The following TACC2 variants were observed in gnomAD, a reference collection of about 807,000 sequenced individuals.
TACC2 encodes transforming acidic coiled-coil-containing protein 2.
A neutral mutation model predicts 227.3 loss-of-function variants in TACC2; 137 were observed. That is an observed-to-expected ratio of 0.60 (90% confidence interval 0.52 to 0.69). The LOEUF (loss-of-function observed/expected upper bound fraction) is 0.69, where lower values mean the gene tolerates loss of function less well. Ranked by LOEUF, TACC2 falls within the 30% of genes least tolerant of loss-of-function variation. The pLI is 0.00. For synonymous variants in TACC2, 1,523 were observed against 1,487.5 expected (o/e 1.02, Z -0.55); for missense variants, 3,470 against 3,694.4 (o/e 0.94, Z 1.57).
chr10:122,072,201 T>G (rs1448294902), intron 3 of TACC2, among the ~76,000 whole-genome samples: 1 of 152,052 alleles, frequency 6.6e-6, no homozygotes, highest in Non-Finnish European at 1.5e-5. Context: ...GTGATCCGCT[T>G]GCCTTGGTCT....
Position 122,210,166 on chromosome 10 carries a change from A to T in TACC2, c.5972-231A>T. On this transcript the variant is annotated intron_variant, in intron 8 of 22. Coordinates refer to ENST00000369005, the MANE Select transcript of TACC2 (RefSeq NM_206862.4). This position sits in a 1 kb window ranked among gnomAD's most constrained non-coding sequence, Gnocchi z 4.6. ...CTGAGCTGTTCTTTAATCGGTCCTCATGATCCTCATTGTACAGATGAGGGA... is the reference window on the plus strand; with the variant it reads ...CTGAGCTGTTCTTTAATCGGTCCTCTTGATCCTCATTGTACAGATGAGGGA... The T allele has an allele frequency of 1.7e-6, 1 of 590,758 alleles. No homozygotes were observed. Among genetic ancestry groups the T allele is most frequent in the Non-Finnish European group, 3.1e-6 (1 of 324,306 alleles). 36.6% of individuals were successfully genotyped at this position (590,758 alleles called of 1,614,324 possible).
chr10:122,254,395 T>C lies in TACC2; in HGVS notation c.*339T>C, dbSNP rs1321148976. The C allele has an allele frequency of 2.2e-5, 8 of 365,078 alleles. No individual in the cohort carries two copies. Among genetic ancestry groups the C allele is most frequent in the African/African-American group, 1.3e-4 (6 of 47,556 alleles). The allele number at this position is 365,078 out of a possible 1,614,324, so 22.6% of individuals were successfully genotyped here. ...GGGTGAGCAGCTTTTGGATTTAATATGAACATGTACAGCGTGCATAGGGAC... is the reference window on the plus strand; with the variant it reads ...GGGTGAGCAGCTTTTGGATTTAATACGAACATGTACAGCGTGCATAGGGAC... On this transcript the variant is annotated 3_prime_UTR_variant, in exon 23 of 23. Coordinates refer to ENST00000369005, the MANE Select transcript of TACC2 (RefSeq NM_206862.4).
chr10:122,242,323 T>A (rs1311538001), intron 19 of TACC2, among the ~76,000 whole-genome samples: 2 of 152,122 alleles, frequency 1.3e-5, no homozygotes, highest in African/African-American at 4.8e-5. Flanking sequence ...TTTGGGGGAT[T>A]TTTTCTTTTC....
At chr10:122,181,958 T>G (rs1487733759) in intron 7 of TACC2, among the ~76,000 whole-genome samples, 1 of 152,264 alleles carries the variant, frequency 6.6e-6, no homozygotes, top group Non-Finnish European at 1.5e-5. Context: ...TACTGCTTTA[T>G]TGCACTGCTT....
rs139210091 is a variant in TACC2, at chr10:122,104,225, T to G, written c.5573+15634T>G. Among the ~76,000 whole-genome samples, 553 of 152,314 alleles carry G rather than the reference T, an allele frequency of 3.6e-3. 4 individuals are homozygous for G. The highest frequency in any genetic ancestry group is 0.013 in the African/African-American group (536 of 41,566). ...TCTCTTCTGGTCCATGTCCTCTTCT[T>G]TTTTCAGCTCAATGTTTCACCAGTG... is the stretch of plus-strand genomic sequence containing the variant. On this transcript the variant is annotated intron_variant, in intron 5 of 22. Coordinates refer to ENST00000369005, the MANE Select transcript of TACC2 (RefSeq NM_206862.4).
At chr10:122,133,641 G>C (rs2088867032) in intron 6 of TACC2, among the ~76,000 whole-genome samples, 1 of 152,144 alleles carries the variant, frequency 6.6e-6, no homozygotes, top group African/African-American at 2.4e-5. Context: ...TGGTGAATAG[G>C]CAGATGCTGT....
At position 122,180,839 on chromosome 10, in the gene TACC2, C is replaced by G. The variant is rs2093950855; in HGVS notation, c.5835-14201C>G. 5.3e-5 allele frequency among the ~76,000 whole-genome samples: 8 copies of G among 152,186 alleles called. No individual in the cohort carries two copies. The South Asian group carries it at 1.7e-3, about 31-fold the overall frequency. On this transcript the variant is annotated intron_variant, in intron 7 of 22. Transcript: ENST00000369005. The surrounding 1 kb of genome is among the most constrained non-coding windows in gnomAD (Gnocchi z 4.5). ...ACTGCAAACCTCTGCCTCCCAGGCTCAAGCGATTCTCCTGCCTCAGCCTCT... is the reference window on the plus strand; with the variant it reads ...ACTGCAAACCTCTGCCTCCCAGGCTGAAGCGATTCTCCTGCCTCAGCCTCT...
chr10:122,011,592 T>C (rs1162501178), intron 1 of TACC2, among the ~76,000 whole-genome samples: 1 of 152,194 alleles, frequency 6.6e-6, no homozygotes, highest in Non-Finnish European at 1.5e-5. Context: ...CCTCCCAAAG[T>C]GCTGGGATTA....
At chr10:122,073,276 C>T (rs546603141) in intron 3 of TACC2, among the ~76,000 whole-genome samples, 7 of 151,598 alleles carry the variant, frequency 4.6e-5, no homozygotes, top group African/African-American at 1.5e-4. Context: ...CATGCAGCCC[C>T]GGGAAGGGGA....
Position 122,085,940 on chromosome 10 carries a change from C to T in TACC2, c.3440C>T (p.Pro1147Leu), listed in dbSNP as rs141360696. 1.7e-4 allele frequency: 277 copies of T among 1,613,416 alleles called. 3 individuals are homozygous for T. The East Asian group carries it at 5.5e-3, about 32-fold the overall frequency. Residue 1147 changes from proline to leucine, a missense_variant, in exon 4 of 23, where the codon CCG becomes CTG. By Grantham distance (98) the Pro-to-Leu change is moderately conservative. Around this residue, in one of 10 missense-constraint regions of TACC2, gnomAD observed 1,924 missense variants for 1,978.3 expected, o/e 0.97. Transcript: ENST00000369005. Reference sequence around the variant, plus strand: ...GGAGACCCAGGAAAGCAGCAGGCTCCGGAGAAACCTGGAGAAGCTACTTTG... The same window carrying T: ...GGAGACCCAGGAAAGCAGCAGGCTCTGGAGAAACCTGGAGAAGCTACTTTG... ...GAGDPGKQQA[P>L]EKPGEATLSC...
At chr10:122,088,030 G>C in intron 4 of TACC2, 71 bp downstream of exon 4, 1 of 1,441,552 alleles carries the variant, frequency 6.9e-7, no homozygotes, top group East Asian at 2.4e-5. Context: ...CTGATTTTTA[G>C]AAGTCAGTCG....
intron 2 of TACC2, among the ~76,000 whole-genome samples, chr10:122,043,827 G>C (rs755505881): frequency 6.6e-6 from 1 of 152,288 alleles, no homozygotes; most frequent in Middle Eastern, 3.4e-3. Flanking sequence ...TGATCTGCCC[G>C]CCTCGGCCTC....
intron 1 of TACC2, among the ~76,000 whole-genome samples, chr10:122,002,590 C>T (rs140055377): frequency 4.9e-4 from 74 of 152,226 alleles, no homozygotes; most frequent in African/African-American, 1.6e-3. Context: ...AAAACTCCCT[C>T]GTGAAATTAT....
In TACC2 at chr10:122,183,713, T is replaced by C. The variant is rs189768805; in HGVS notation, c.5835-11327T>C. 1.3e-3 allele frequency among the ~76,000 whole-genome samples: 199 copies of C among 152,172 alleles called. 2 individuals carry two copies. The highest frequency in any genetic ancestry group is 2.4e-4 in the Non-Finnish European group (16 of 67,994). ...AGCTGCCAAACCTACTGGAGACTGA[T>C]TTGCAAATAAGGACTCCAGCCTGTT... On this transcript the variant is annotated intron_variant, in intron 7 of 22. Coordinates refer to ENST00000369005, the MANE Select transcript of TACC2 (RefSeq NM_206862.4).
At chr10:122,231,482 A>G (rs1355519690) in intron 16 of TACC2, among the ~76,000 whole-genome samples, 2 of 152,212 alleles carry the variant, frequency 1.3e-5, no homozygotes, top group Admixed American at 1.3e-4. Flanking sequence ...GAGTGGCACC[A>G]TGCTTGACAC....
chr10:122,241,937 G>A (rs373496811), intron 18 of TACC2, 21 bp from the exon 19 acceptor site: 57 of 1,612,690 alleles, frequency 3.5e-5, no homozygotes, highest in South Asian at 2.1e-4. Context: ...TGACTCCAAC[G>A]TGTCTTTACT....
intron 22 of TACC2, among the ~76,000 whole-genome samples, chr10:122,250,992 T>G (rs932976270): frequency 7.2e-6 from 1 of 138,256 alleles, no homozygotes; most frequent in Non-Finnish European, 1.5e-5. Flanking sequence ...CAGTCATGGC[T>G]CACTGCAGCC....
intron 5 of TACC2, among the ~76,000 whole-genome samples, chr10:122,116,978 G>A (rs914930564): frequency 2.0e-5 from 3 of 151,806 alleles, no homozygotes; most frequent in African/African-American, 7.3e-5. Flanking sequence ...GCAAACAGAA[G>A]TGCTCACAAT....
chr10:122,009,751 C>T (rs2135302358), intron 1 of TACC2, among the ~76,000 whole-genome samples: 1 of 152,118 alleles, frequency 6.6e-6, no homozygotes, highest in African/African-American at 2.4e-5. Context: ...CTTGATGAAA[C>T]CCCATCTCTA....
Sources: allele counts gnomAD v4.1 joint callset (sites outside exome capture counted in the v4.1 genomes callset), GRCh38; gene constraint gnomAD v4.1.1; regional missense constraint gnomAD v4.1.1; non-coding constraint Gnocchi (gnomAD v3.1); transcripts MANE v1.5; gene names NCBI Gene and HGNC (gene_info 2026-07-23, HGNC 2026-07-21).